Variants in KIF19 observed in about 807,000 individuals in gnomAD.
KIF19 encodes the protein kinesin family member 19.
A neutral mutation model predicts 106.6 loss-of-function variants in KIF19; 98 were observed. The observed-to-expected ratio is 0.92, with a 90% CI of 0.78 to 1.09. The LOEUF is 1.09. KIF19 is among the 50% of genes least tolerant of loss of function. The pLI is 0.00. For missense variants in KIF19, 1,373 were observed against 1,414.3 expected (o/e 0.97, Z 0.47); for synonymous variants, 516 against 584.2 (o/e 0.88, Z 1.68).
chr17:74,346,110 G>A lies in KIF19; in HGVS notation c.778-268G>A, dbSNP rs2054523324. Among the ~76,000 whole-genome samples, 1 of 152,240 alleles carries A rather than the reference G, an allele frequency of 6.6e-6. No homozygotes were observed. The highest frequency in any genetic ancestry group is 2.1e-4 in the South Asian group (1 of 4,832). ...CCTCCCATCTCATCCATGGCACTGT[G>A]TGTCAGGCCGTGCCACGGCACCTGC... is the stretch of plus-strand genomic sequence containing the variant. On this transcript the variant is annotated intron_variant, in intron 7 of 19. Coordinates refer to ENST00000389916, the MANE Select transcript of KIF19 (RefSeq NM_153209.4). This position sits in a 1 kb window ranked among gnomAD's most constrained non-coding sequence, Gnocchi z 4.6.
At position 74,351,875 on chromosome 17, in the gene KIF19, G is replaced by A. The variant is rs771010678; in HGVS notation, c.1596G>A (p.Leu532=). The A allele has an allele frequency of 1.4e-6, 2 of 1,388,312 alleles. No individual in the cohort carries two copies. The highest frequency in any genetic ancestry group is 1.6e-5 in the South Asian group (1 of 62,690). 86.0% of individuals were successfully genotyped at this position (1,388,312 alleles called of 1,614,324 possible). ...QKQLRKQKLA[L]EQRCRELRAR... is the part of the protein sequence containing the mutation. ...ACCTGCGCCTCCTGCAGCTGGCGCT[G>A]GAGCAGCGCTGCCGGGAGCTGCGCG... Residue 532 remains leucine, a synonymous_variant, in exon 13 of 20, where the codon CTG becomes CTA. Coordinates refer to ENST00000389916, the MANE Select transcript of KIF19 (RefSeq NM_153209.4).
chr17:74,341,785 G>A, intron 2 of KIF19, 91 bp from the exon 3 acceptor site: 1 of 851,942 alleles, frequency 1.2e-6, no homozygotes, highest in Non-Finnish European at 2.0e-6. Context: ...GATCGACAAA[G>A]GGGTTAACTT....
chr17:74,327,331 GA>G, intron 1 of KIF19, among the ~76,000 whole-genome samples: 1 of 152,204 alleles, frequency 6.6e-6, no homozygotes, highest in South Asian at 2.1e-4. Context: ...GTGTCTCTTT[GA>G]AAATCACTGG....
intron 17 of KIF19, 90 bp from the exon 18 acceptor site, chr17:74,354,072 T>G (rs896129824): frequency 7.1e-7 from 1 of 1,416,404 alleles, no homozygotes; most frequent in African/African-American, 1.4e-5. Context: ...ACCCAGGAGG[T>G]CTGGCTCCTA....
chr17:74,337,022 C>T lies in KIF19; in HGVS notation c.121-4854C>T, dbSNP rs907556301. Among the ~76,000 whole-genome samples the T allele has an allele frequency of 2.6e-5, 4 of 152,028 alleles. No homozygotes were observed. In the East Asian group the frequency reaches 5.8e-4, roughly 22 times the overall value. ...TGTATTTTTAGTATTTTAGTAGAGACGGGGTTTCGCCATGTTGGCCAGGCT... is the reference window on the plus strand; with the variant it reads ...TGTATTTTTAGTATTTTAGTAGAGATGGGGTTTCGCCATGTTGGCCAGGCT... On this transcript the variant is annotated intron_variant, in intron 2 of 19. Coordinates refer to ENST00000389916, the MANE Select transcript of KIF19 (RefSeq NM_153209.4).
At chr17:74,341,771 C>T in intron 2 of KIF19, 105 bp from the exon 3 acceptor site, 1 of 798,766 alleles carries the variant, frequency 1.3e-6, no homozygotes, top group Non-Finnish European at 2.2e-6. Flanking sequence ...GCTTTGTTAA[C>T]TCTGATCGAC....
In KIF19 at chr17:74,354,363, T is replaced by A. The variant is rs1422204035; in HGVS notation, c.2510T>A (p.Leu837Gln). 2.5e-6 allele frequency: 4 copies of A among 1,608,024 alleles called. No homozygotes were observed. The African/African-American group carries it at 5.3e-5, about 21-fold the overall frequency. Residue 837 changes from leucine to glutamine, a missense_variant, in exon 18 of 20, where the codon CTA (leucine) becomes CAA (glutamine). Leu to Gln is a moderately radical substitution (Grantham distance 113, BLOSUM62 -2). Around this residue, in one of 3 missense-constraint regions of KIF19, gnomAD observed 1,020 missense variants for 1,008.2 expected, o/e 1.01. Coordinates refer to ENST00000389916, the MANE Select transcript of KIF19 (RefSeq NM_153209.4). ...LACKRPPSPT[L>Q]QHAASEDNLS... The stretch of plus-strand genomic sequence containing the variant: ...TGCAAGCGGCCGCCCAGCCCCACAC[T>A]ACAGCATGCTGCCAGTGAGGACAAC...
chr17:74,352,538 G>T (rs920804552), intron 14 of KIF19, among the ~76,000 whole-genome samples, 198 bp downstream of exon 14: 1 of 152,140 alleles, frequency 6.6e-6, no homozygotes, highest in Admixed American at 6.5e-5. Context: ...GCACTCCTGG[G>T]CATCACTTGC....
At position 74,346,527 on chromosome 17, in the gene KIF19, A is replaced by G; in HGVS notation, c.924+3A>G. ...GCAAGCTCACCCGGCTCCTGAAGGTACCAGCCACAGCTGGGCCTGGGCACT... is the reference window on the plus strand; with the variant it reads ...GCAAGCTCACCCGGCTCCTGAAGGTGCCAGCCACAGCTGGGCCTGGGCACT... On this transcript the variant is annotated splice_donor_region_variant and intron_variant, in intron 8 of 19. Transcript: ENST00000389916. This position sits in a 1 kb window ranked among gnomAD's most constrained non-coding sequence, Gnocchi z 4.6. 1 of 1,550,468 alleles carries G rather than the reference A, an allele frequency of 6.4e-7. No individual in the cohort carries two copies. Among genetic ancestry groups the G allele is most frequent in the Non-Finnish European group, 8.7e-7 (1 of 1,146,772 alleles).
rs751304268 is a variant in KIF19 at position 74,355,268 on chromosome 17, G to A, written c.2953G>A (p.Gly985Ser). 2.4e-5 allele frequency: 38 copies of A among 1,612,388 alleles called. No individual in the cohort carries two copies. In the East Asian group the frequency reaches 2.5e-4, roughly 10 times the overall value. The part of the protein sequence containing the change: ...RATRGPRLPH[G>S]TSTHGKDGCS... The stretch of plus-strand genomic sequence containing the variant: ...TACCCGTGGGCCCCGCCTGCCCCAC[G>A]GCACAAGCACCCATGGCAAAGATGG... Residue 985 changes from glycine to serine, a missense_variant, in exon 20 of 20, where the codon GGC (glycine) becomes AGC (serine). By Grantham distance (56) the Gly-to-Ser change is moderately conservative (BLOSUM62 0). Transcript: ENST00000389916.
chr17:74,348,858 G>C, intron 9 of KIF19: 1 of 331,364 alleles, frequency 3.0e-6, no homozygotes, highest in South Asian at 3.4e-5. Flanking sequence ...TCTGTGGTGG[G>C]TATGGGGAGA....
chr17:74,340,429 G>A (rs1217041181), intron 2 of KIF19, among the ~76,000 whole-genome samples: 1 of 152,202 alleles, frequency 6.6e-6, no homozygotes, highest in African/African-American at 2.4e-5. Flanking sequence ...CAGAGGCAGG[G>A]GCAGAGTGGA....
intron 7 of KIF19, among the ~76,000 whole-genome samples, chr17:74,345,523 T>A (rs2144264313): frequency 6.6e-6 from 1 of 152,214 alleles, no homozygotes; most frequent in Non-Finnish European, 1.5e-5. Flanking sequence ...TCCCCTCCCA[T>A]GAAGTCCTGC....
chr17:74,340,138 C>T (rs1242487540), intron 2 of KIF19, among the ~76,000 whole-genome samples: 1 of 152,152 alleles, frequency 6.6e-6, no homozygotes, highest in Non-Finnish European at 1.5e-5. Context: ...GATGGAGGCT[C>T]AAGCAGGTTA....
rs1429165819 is a variant in KIF19 at position 74,328,494 on chromosome 17, G to A, written c.109G>A (p.Val37Met). 1 of 1,598,494 alleles carries A rather than the reference G, an allele frequency of 6.3e-7. No homozygotes were observed. Among genetic ancestry groups the A allele is most frequent in the East Asian group, 2.2e-5 (1 of 44,450 alleles). Residue 37 changes from valine (V) to methionine (M), a missense_variant, in exon 2 of 20, where the codon GTG becomes ATG. Physicochemically the swap from Val to Met is conservative, Grantham distance 21. Transcript: ENST00000389916. Reference sequence around the variant, plus strand: ...AGGAGCTACCCTCATCGCCCATAAAGTGGATGAGCAGGTATGCAGGGCTCT... The same window carrying A: ...AGGAGCTACCCTCATCGCCCATAAAATGGATGAGCAGGTATGCAGGGCTCT... ...EEGATLIAHK[V>M]DEQMVVLMDP...
rs141758836 is a variant in KIF19 at position 74,350,496 on chromosome 17, C to G, written c.1309C>G (p.Arg437Gly). The change falls in exon 11 of 20, where the codon CGG (arginine) becomes GGG (glycine). Residue 437 changes from arginine (R) to glycine (G), a missense_variant. Transcript: ENST00000389916. Reference protein sequence around the residue: ...ASAFQEQMDVRRRLLELENRA... With the variant: ...ASAFQEQMDVGRRLLELENRA... ...CGCCTTCCAGGAGCAGATGGATGTG[C>G]GGAGGCGCCTGCTGGAGCTGGAGAA... is the stretch of plus-strand genomic sequence containing the variant. 1 of 1,612,316 alleles carries G rather than the reference C, an allele frequency of 6.2e-7. No individual in the cohort carries two copies. The highest frequency in any genetic ancestry group is 1.3e-5 in the African/African-American group (1 of 75,052).
intron 2 of KIF19, among the ~76,000 whole-genome samples, chr17:74,334,521 A>G (rs746192168): frequency 2.8e-4 from 42 of 152,154 alleles, no homozygotes; most frequent in Non-Finnish European, 5.6e-4. Context: ...CAGGAATCTG[A>G]CCAGGACATC....
In KIF19 at chr17:74,333,862, TC is replaced by T. The variant is rs1358701120; in HGVS notation, c.120+5358del. 1.8e-3 allele frequency among the ~76,000 whole-genome samples: 218 copies of T among 122,920 alleles called. 1 individual carries two copies. The highest frequency in any genetic ancestry group is 3.7e-3 in the Admixed American group (39 of 10,474). The allele number at this position is 122,920 out of a possible 152,430, so 80.6% of individuals were successfully genotyped here. A position where few individuals can be genotyped will look rare whatever the true frequency, so the allele number is the denominator to read the frequency against. On this transcript the variant is annotated intron_variant, in intron 2 of 19. Coordinates refer to ENST00000389916, the MANE Select transcript of KIF19 (RefSeq NM_153209.4). ...CACTCCTTTTTTTTTTCTTTTTTTT[TC>T]TTTTTTTTTTTTGAGATGGGGGTCT...
rs762120737 is a variant in KIF19 at position 74,344,877 on chromosome 17, G to A, written c.699G>A (p.Arg233=). 1.2e-6 allele frequency: 2 copies of A among 1,612,674 alleles called. No individual in the cohort carries two copies. Among genetic ancestry groups the A allele is most frequent in the East Asian group, 4.5e-5 (2 of 44,874 alleles). The change falls in exon 7 of 20, where the codon CGG becomes CGA. Residue 233 remains arginine (R), a synonymous_variant. Coordinates refer to ENST00000389916, the MANE Select transcript of KIF19 (RefSeq NM_153209.4). Reference sequence around the variant, plus strand: ...AGGTGACCGTGCGCCAGCGCAGCCGGGTCAAGAACATCTTGCAGGAGGTGC... The same window carrying A: ...AGGTGACCGTGCGCCAGCGCAGCCGAGTCAAGAACATCTTGCAGGAGGTGC... ...VLQVTVRQRS[R]VKNILQEVRQ...
Sources: gnomAD v4.1 joint callset for allele counts (sites outside exome capture counted in the v4.1 genomes callset) on GRCh38, gnomAD v4.1.1 for gene constraint, gnomAD v4.1.1 regional missense constraint, Gnocchi (gnomAD v3.1) non-coding constraint, MANE v1.5 for transcripts, NCBI Gene and HGNC (gene_info 2026-07-23, HGNC 2026-07-21) for gene names.